CNTNAP4: variants seen among roughly 807,000 people sequenced by gnomAD.
The protein encoded by CNTNAP4 is contactin associated protein family member 4.
Under a neutral mutation model 148.4 loss-of-function variants are expected in CNTNAP4, and 98 were observed. The observed-to-expected ratio is 0.66, with a 90% CI of 0.56 to 0.78. The LOEUF (loss-of-function observed/expected upper bound fraction) is 0.78, where lower values mean the gene tolerates loss of function less well. Among genes scored for constraint, CNTNAP4 ranks in the 30% least tolerant of loss-of-function variants. The probability of loss-of-function intolerance (pLI) is 0.00; values close to 1 mark genes in which losing one functional copy is unlikely to be tolerated. For synonymous variants in CNTNAP4, 730 were observed against 565.1 expected, an observed-to-expected ratio of 1.29 and a Z score of -4.14; for missense variants, 1,935 against 1,565.6, an observed-to-expected ratio of 1.24 and a Z score of -3.98.
At chr16:76,325,307 C>A (rs958275385) in intron 2 of CNTNAP4, among the ~76,000 whole-genome samples, 1 of 152,038 alleles carries the variant, frequency 6.6e-6, no homozygotes, top group Non-Finnish European at 1.5e-5. Context: ...TATTTATATA[C>A]TCTGTGTAGT....
At chr16:76,477,136 G>A (rs1568330834) in intron 11 of CNTNAP4, among the ~76,000 whole-genome samples, 1 of 152,140 alleles carries the variant, frequency 6.6e-6, no homozygotes, top group Non-Finnish European at 1.5e-5. Context: ...GAGGCAGAGT[G>A]AGGATGTGAA....
chr16:76,333,523 C>G (rs1004744617), intron 2 of CNTNAP4, among the ~76,000 whole-genome samples: 2 of 152,074 alleles, frequency 1.3e-5, no homozygotes, highest in Non-Finnish European at 2.9e-5. Context: ...TACATTGTTT[C>G]CTTTAGCTCT....
intron 15 of CNTNAP4, among the ~76,000 whole-genome samples, chr16:76,510,566 T>C (rs2082977821): frequency 6.6e-6 from 1 of 152,132 alleles, no homozygotes; most frequent in Admixed American, 6.5e-5. Context: ...GCGTAATTTT[T>C]ATGTGGCATG....
chr16:76,352,218 A>C (rs1421008833), intron 2 of CNTNAP4, among the ~76,000 whole-genome samples: 1 of 152,212 alleles, frequency 6.6e-6, no homozygotes, highest in Non-Finnish European at 1.5e-5. Context: ...GATTAGTACC[A>C]GACCCTAGAA....
At chr16:76,457,116 G>T (rs1414692007) in intron 8 of CNTNAP4, among the ~76,000 whole-genome samples, 1 of 152,182 alleles carries the variant, frequency 6.6e-6, no homozygotes, top group East Asian at 1.9e-4. Context: ...TCAGAAACAA[G>T]AAAACAAATT....
chr16:76,462,832 G>A (rs914544699), intron 9 of CNTNAP4, among the ~76,000 whole-genome samples: 1 of 152,134 alleles, frequency 6.6e-6, no homozygotes, highest in African/African-American at 2.4e-5. Context: ...ATCATGTTGA[G>A]GTGTTGCTTA....
intron 2 of CNTNAP4, among the ~76,000 whole-genome samples, chr16:76,323,139 A>G (rs1962605995): frequency 6.6e-6 from 1 of 152,160 alleles, no homozygotes; most frequent in South Asian, 2.1e-4. Context: ...GAGCCACTGT[A>G]TCTGGCAATA....
Position 76,535,701 on chromosome 16 carries a change from A to G in CNTNAP4, c.2912A>G (p.Asn971Ser). ...AGCAGCTATGGGAAGTTATGCCGCA[A>G]TGGAGGGAAATGCAGAGAAAGACCC... ...HCSSYGKLCR[N>S]GGKCRERPIG... Residue 971 changes from asparagine to serine, a missense_variant, in exon 18 of 24, where the codon AAT becomes AGT. Asn to Ser is a conservative substitution (Grantham distance 46). Coordinates refer to ENST00000611870, the MANE Select transcript of CNTNAP4 (RefSeq NM_033401.5). 6 of 1,613,968 alleles carry G rather than the reference A, an allele frequency of 3.7e-6. No individual in the cohort carries two copies. The highest frequency in any genetic ancestry group is 5.1e-6 in the Non-Finnish European group (6 of 1,179,886).
intron 13 of CNTNAP4, among the ~76,000 whole-genome samples, chr16:76,490,738 C>T (rs2082188289): frequency 6.6e-6 from 1 of 152,178 alleles, no homozygotes; most frequent in Non-Finnish European, 1.5e-5. Flanking sequence ...AACACAGCCT[C>T]TTCTGCTGGA....
chr16:76,310,326 T>C (rs981476517), intron 1 of CNTNAP4, among the ~76,000 whole-genome samples: 1 of 152,180 alleles, frequency 6.6e-6, no homozygotes, highest in Admixed American at 6.5e-5. Context: ...GAATGAAATC[T>C]TGACTAACAA....
intron 15 of CNTNAP4, among the ~76,000 whole-genome samples, chr16:76,504,424 AAG>A (rs2082766895): frequency 6.6e-6 from 1 of 152,186 alleles, no homozygotes; most frequent in South Asian, 2.1e-4. Context: ...TGAAAAAAAA[AAG>A]AGTGTCAATT....
intron 2 of CNTNAP4, among the ~76,000 whole-genome samples, chr16:76,321,904 G>T (rs1425258488): frequency 1.3e-5 from 2 of 151,798 alleles, no homozygotes; most frequent in African/African-American, 4.8e-5. Context: ...TTTTGTACAG[G>T]ATTGAAAAAT....
intron 8 of CNTNAP4, among the ~76,000 whole-genome samples, chr16:76,458,712 C>G (rs1328511473): frequency 1.3e-5 from 2 of 152,186 alleles, no homozygotes; most frequent in East Asian, 1.9e-4. Flanking sequence ...TGCCTGCCAG[C>G]CACTCACCTT....
At chr16:76,363,411 C>T (rs1323092146) in intron 3 of CNTNAP4, among the ~76,000 whole-genome samples, 1 of 152,030 alleles carries the variant, frequency 6.6e-6, no homozygotes, top group Non-Finnish European at 1.5e-5. Context: ...ATCCACCCAC[C>T]TTGGCCTCCC....
At chr16:76,325,711 CA>C (rs1262765980) in intron 2 of CNTNAP4, among the ~76,000 whole-genome samples, 1 of 151,734 alleles carries the variant, frequency 6.6e-6, no homozygotes, top group Non-Finnish European at 1.5e-5. Context: ...GCATTCATCC[CA>C]AAAAACTACA....
At chr16:76,480,193 T>C (rs1416859775) in intron 12 of CNTNAP4, among the ~76,000 whole-genome samples, 2 of 152,180 alleles carry the variant, frequency 1.3e-5, no homozygotes, top group African/African-American at 4.8e-5. Flanking sequence ...ATTCTCACTA[T>C]TCATAGATAA....
chr16:76,552,781 A>G (rs1036747490), intron 21 of CNTNAP4, among the ~76,000 whole-genome samples: 1 of 152,206 alleles, frequency 6.6e-6, no homozygotes, highest in Non-Finnish European at 1.5e-5. Flanking sequence ...ATAAAATATC[A>G]GAAAGCTTTC....
intron 4 of CNTNAP4, among the ~76,000 whole-genome samples, chr16:76,446,733 G>A (rs1234963844): frequency 6.6e-6 from 1 of 152,076 alleles, no homozygotes; most frequent in Non-Finnish European, 1.5e-5. Context: ...GCCACAGACG[G>A]AAAATAAGAC....
At chr16:76,495,534 T>C (rs951040240) in intron 14 of CNTNAP4, among the ~76,000 whole-genome samples, 2 of 152,064 alleles carry the variant, frequency 1.3e-5, no homozygotes, top group East Asian at 3.9e-4. Flanking sequence ...GTTCTGTGGA[T>C]TATATTTTGA....
Sources: allele counts gnomAD v4.1 joint callset (sites outside exome capture counted in the v4.1 genomes callset), GRCh38; gene constraint gnomAD v4.1.1; transcripts MANE v1.5; gene names NCBI Gene and HGNC (gene_info 2026-07-23, HGNC 2026-07-21).